LRRC69: variants seen among roughly 807,000 people sequenced by gnomAD.
LRRC69 encodes leucine-rich repeat-containing protein 69.
LRRC69 carries 42 observed loss-of-function variants against 37.8 expected under a neutral mutation model. That is an observed-to-expected ratio of 1.11 (90% CI 0.87 to 1.44). LRRC69 has a LOEUF of 1.44. Ranked by LOEUF, LRRC69 falls within the 40% of genes most tolerant of loss-of-function variation. LRRC69 has a pLI of 0.00. For missense variants in LRRC69, 357 were observed against 401.9 expected (o/e 0.89, Z 0.96); for synonymous variants, 141 against 143.1 (o/e 0.99, Z 0.11).
chr8:91,137,921 T>C (rs953746049), intron 5 of LRRC69, among the ~76,000 whole-genome samples: 3 of 152,086 alleles, frequency 2.0e-5, no homozygotes, highest in African/African-American at 4.8e-5. Flanking sequence ...CCATGCTTTT[T>C]GTGAAACACA....
intron 5 of LRRC69, among the ~76,000 whole-genome samples, chr8:91,160,549 G>T (rs1808921147): frequency 6.6e-6 from 1 of 151,000 alleles, no homozygotes; most frequent in African/African-American, 2.4e-5. Context: ...TACTGTTCTT[G>T]TGATAGTGAG....
chr8:91,137,710 A>T (rs866376315), intron 5 of LRRC69, among the ~76,000 whole-genome samples: 1 of 152,046 alleles, frequency 6.6e-6, no homozygotes, highest in African/African-American at 2.4e-5. Context: ...CTCACATAAG[A>T]TGATCTGCAA....
intron 5 of LRRC69, among the ~76,000 whole-genome samples, chr8:91,142,939 G>C (rs1443081834): frequency 6.6e-6 from 1 of 151,962 alleles, no homozygotes; most frequent in Non-Finnish European, 1.5e-5. Flanking sequence ...ACATTCTTTG[G>C]ACAATAGAAT....
At chr8:91,139,168 AT>A (rs1460792085) in intron 5 of LRRC69, 19 of 151,954 alleles carry the variant, frequency 1.3e-4, no homozygotes, top group Admixed American at 9.2e-4. Flanking sequence ...ACTTAAAAAA[AT>A]AAAACTTAAA....
At chr8:91,200,822 C>T (rs1357262463) in intron 7 of LRRC69, 30 bp downstream of exon 7, 1 of 1,490,600 alleles carries the variant, frequency 6.7e-7, no homozygotes, top group South Asian at 1.3e-5. Flanking sequence ...CGAATATGAG[C>T]ATAATACTGA....
chr8:91,135,762 A>G (rs1227008834), intron 5 of LRRC69, 23 bp downstream of exon 5: 2 of 1,292,888 alleles, frequency 1.5e-6, no homozygotes, highest in Non-Finnish European at 2.0e-6. Context: ...AACTTCCATT[A>G]TAATTGAAAA....
intron 5 of LRRC69, among the ~76,000 whole-genome samples, chr8:91,175,533 C>T (rs777552608): frequency 1.5e-4 from 23 of 151,994 alleles, no homozygotes; most frequent in African/African-American, 5.6e-4. Flanking sequence ...AACCCTTTTG[C>T]GGCTAGGTGA....
intron 5 of LRRC69, among the ~76,000 whole-genome samples, chr8:91,143,440 C>T (rs1808564733): frequency 6.6e-6 from 1 of 151,854 alleles, no homozygotes; most frequent in African/African-American, 2.4e-5. Context: ...ACATTTTCCA[C>T]AGTCACTGCT....
At chr8:91,133,823 G>A (rs7005674) in intron 4 of LRRC69, among the ~76,000 whole-genome samples, 78,184 of 151,400 alleles carry the variant, frequency 0.52, 22,342 homozygotes, top group South Asian at 0.7. Flanking sequence ...TAGTAGAGAC[G>A]GGGCTTCACC....
intron 1 of LRRC69, among the ~76,000 whole-genome samples, chr8:91,108,261 G>T (rs535549761): frequency 1.2e-4 from 19 of 152,056 alleles, no homozygotes; most frequent in Non-Finnish European, 2.6e-4. Flanking sequence ...TACTTTTGCT[G>T]TCCTTAATGA....
At chr8:91,211,347 T>C (rs527933264) in intron 7 of LRRC69, among the ~76,000 whole-genome samples, 6 of 151,938 alleles carry the variant, frequency 3.9e-5, no homozygotes, top group African/African-American at 1.4e-4. Context: ...TTAATCATGC[T>C]AAATAAATTT....
chr8:91,131,090 C>T (rs576860990), intron 3 of LRRC69, among the ~76,000 whole-genome samples: 33 of 151,916 alleles, frequency 2.2e-4, no homozygotes, highest in Non-Finnish European at 2.9e-4. Context: ...TTCTCCAATA[C>T]CATATGATCT....
chr8:91,160,431 T>A (rs977386446), intron 5 of LRRC69, among the ~76,000 whole-genome samples: 3 of 151,136 alleles, frequency 2.0e-5, no homozygotes, highest in African/African-American at 7.3e-5. Flanking sequence ...AGTACTGACA[T>A]GGTTTGGCTC....
At chr8:91,215,943 G>A (rs1810038032) in intron 7 of LRRC69, among the ~76,000 whole-genome samples, 1 of 152,182 alleles carries the variant, frequency 6.6e-6, no homozygotes, top group African/African-American at 2.4e-5. Context: ...AGGGCAGCAA[G>A]TGTTAAGGTG....
chr8:91,164,900 T>C (rs1004070367), intron 5 of LRRC69, among the ~76,000 whole-genome samples: 1 of 151,706 alleles, frequency 6.6e-6, no homozygotes, highest in South Asian at 2.1e-4. Flanking sequence ...ATATTGCATG[T>C]TCTTTTAATT....
intron 5 of LRRC69, among the ~76,000 whole-genome samples, chr8:91,178,049 C>T (rs6989184): frequency 0.68 from 102,508 of 151,528 alleles, 35,137 homozygotes; most frequent in African/African-American, 0.74. Flanking sequence ...GGGGTTTCAC[C>T]GTGTTAGCCA....
At chr8:91,158,178 CA>C (rs1808870507) in intron 5 of LRRC69, 1 of 1,604,094 alleles carries the variant, frequency 6.2e-7, no homozygotes, top group South Asian at 1.1e-5. Flanking sequence ...GGAGCTGGAA[CA>C]GAGGATTCTG....
rs943429346 is a variant in LRRC69 at position 91,127,163 on chromosome 8, A to G, written c.383+3A>G. 52 of 1,547,114 alleles carry G rather than the reference A, an allele frequency of 3.4e-5. No individual in the cohort carries two copies. The highest frequency in any genetic ancestry group is 4.2e-5 in the Non-Finnish European group (48 of 1,145,226). On this transcript the variant is annotated splice_donor_region_variant and intron_variant, in intron 3 of 7. Transcript: ENST00000448384. ...CAGCTTCCTCAAGAAGTCAGCAGGT[A>G]ATTTTGTTTATAGCAAGACTTGGTT...
intron 5 of LRRC69, among the ~76,000 whole-genome samples, chr8:91,185,480 T>G (rs1490123837): frequency 6.6e-6 from 1 of 152,182 alleles, no homozygotes; most frequent in Non-Finnish European, 1.5e-5. Flanking sequence ...GGAGAAGTAT[T>G]CAGCAGATAC....
Sources: gnomAD v4.1 joint callset for allele counts (sites outside exome capture counted in the v4.1 genomes callset) on GRCh38, gnomAD v4.1.1 for gene constraint, MANE v1.5 for transcripts, NCBI Gene and HGNC (gene_info 2026-07-23, HGNC 2026-07-21) for gene names.